Variants in PRDM10 observed in about 807,000 individuals in gnomAD.
PRDM10 encodes PR domain zinc finger protein 10.
Under a neutral mutation model 133.1 loss-of-function variants are expected in PRDM10, and 65 were observed. The observed-to-expected ratio is 0.49, with a 90% CI of 0.40 to 0.60. The LOEUF (loss-of-function observed/expected upper bound fraction) is 0.60, where lower values mean the gene tolerates loss of function less well. PRDM10 is among the 20% of genes least tolerant of loss of function. The pLI is 0.00. For missense variants in PRDM10, 1,137 were observed against 1,507.1 expected, an observed-to-expected ratio of 0.75 and a Z score of 4.07; for synonymous variants, 582 against 580.4, an observed-to-expected ratio of 1.00 and a Z score of -0.04.
chr11:129,994,433 T>A lies in PRDM10; in HGVS notation c.-119+8289A>T, dbSNP rs1938927713. On this transcript the variant is annotated intron_variant, in intron 1 of 20. Transcript: ENST00000360871. ...GTGAGCCGAGATCGCACCACTGCAC[T>A]CCAGCCTAGGTGACACAGCGCAACT... Among the ~76,000 whole-genome samples, 7 of 138,068 alleles carry A rather than the reference T, an allele frequency of 5.1e-5. No individual in the cohort carries two copies. The Admixed American group carries it at 5.4e-4, about 11-fold the overall frequency. The allele number at this position is 138,068 out of a possible 152,430, so 90.6% of individuals were successfully genotyped here.
intron 19 of PRDM10, among the ~76,000 whole-genome samples, chr11:129,908,742 T>C (rs1012301873): frequency 3.9e-5 from 6 of 152,160 alleles, no homozygotes; most frequent in African/African-American, 7.2e-5. Context: ...CATCCTATTA[T>C]TATCATGAAT....
chr11:129,992,666 A>G (rs1416926233), intron 1 of PRDM10, among the ~76,000 whole-genome samples: 3 of 152,348 alleles, frequency 2.0e-5, no homozygotes, highest in African/African-American at 7.2e-5. Flanking sequence ...AAATTACTCA[A>G]CAGCCAGAGT....
At chr11:129,955,745 G>T (rs916029401) in intron 3 of PRDM10, among the ~76,000 whole-genome samples, 174 bp from the exon 4 acceptor site, 1 of 152,202 alleles carries the variant, frequency 6.6e-6, no homozygotes. Flanking sequence ...TTTAGCTAAA[G>T]CTTTTCATTC....
intron 20 of PRDM10, among the ~76,000 whole-genome samples, chr11:129,905,127 G>T (rs954337832): frequency 6.6e-6 from 1 of 152,110 alleles, no homozygotes; most frequent in Admixed American, 6.6e-5. Flanking sequence ...ACTTTGGGAG[G>T]TTAAGGTGGG....
chr11:130,002,246 C>G (rs1243031889), intron 1 of PRDM10, among the ~76,000 whole-genome samples: 8 of 150,176 alleles, frequency 5.3e-5, no homozygotes, highest in Non-Finnish European at 8.9e-5. Context: ...GCAGGCCGCC[C>G]AACCGCCGTC....
At position 129,944,904 on chromosome 11, in the gene PRDM10, A is replaced by AG; in HGVS notation, c.628dup (p.Leu210ProfsTer49). The AG allele has an allele frequency of 6.2e-7, 1 of 1,614,096 alleles. No homozygotes were observed. Among genetic ancestry groups the AG allele is most frequent in the Non-Finnish European group, 8.5e-7 (1 of 1,180,026 alleles). The stretch of plus-strand genomic sequence containing the variant: ...CAGAAACCTGTCTATGTAGAGCACC[A>AG]GGGGGAGGCTCGCCCTGGCCCGGGT... On this transcript the variant is annotated frameshift_variant, in exon 6 of 21. Transcript: ENST00000360871. LOFTEE classifies it high-confidence loss of function.
chr11:129,942,713 T>C, intron 6 of PRDM10, 84 bp from the exon 7 acceptor site: 1 of 1,238,054 alleles, frequency 8.1e-7, no homozygotes, highest in South Asian at 1.4e-5. Flanking sequence ...ACGCAAAATA[T>C]TGCTTCTAAA....
At chr11:129,914,301 C>T (rs933864138) in intron 17 of PRDM10, among the ~76,000 whole-genome samples, 1 of 152,206 alleles carries the variant, frequency 6.6e-6, no homozygotes, top group Admixed American at 6.5e-5. Context: ...CTGCGCCCAG[C>T]CATCAATATT....
At chr11:129,953,335 C>A (rs906341394) in intron 4 of PRDM10, among the ~76,000 whole-genome samples, 5 of 152,066 alleles carry the variant, frequency 3.3e-5, no homozygotes, top group African/African-American at 4.8e-5. Context: ...TGCTGTGTTG[C>A]CAGGCTGGAG....
At chr11:129,908,649 C>T (rs941061564) in intron 19 of PRDM10, among the ~76,000 whole-genome samples, 2 of 152,148 alleles carry the variant, frequency 1.3e-5, no homozygotes, top group Admixed American at 1.3e-4. Flanking sequence ...CGTTACACTC[C>T]TCTCTCTACT....
In PRDM10 at chr11:129,947,089, C is replaced by A. The variant is rs1951439841; in HGVS notation, c.520+56G>T. The A allele has an allele frequency of 1.3e-6, 2 of 1,595,806 alleles. No individual in the cohort carries two copies. The highest frequency in any genetic ancestry group is 3.4e-5 in the Admixed American group (2 of 59,228). On this transcript the variant is annotated intron_variant, in intron 5 of 20. Coordinates refer to ENST00000360871, the MANE Select transcript of PRDM10 (RefSeq NM_199437.2). This position sits in a 1 kb window ranked among gnomAD's most constrained non-coding sequence, Gnocchi z 4.6. The stretch of plus-strand genomic sequence containing the variant: ...CTATGTTCACACACACGCACACGTA[C>A]ACAGACACACAAGATGGACACAGCT...
intron 1 of PRDM10, among the ~76,000 whole-genome samples, chr11:129,965,964 C>A (rs974289435): frequency 1.2e-4 from 19 of 152,252 alleles, no homozygotes; most frequent in African/African-American, 4.6e-4. Flanking sequence ...AAATTACCAG[C>A]CGGGCACAGT....
At chr11:129,912,032 G>A in intron 18 of PRDM10, 53 bp downstream of exon 18, 2 of 1,491,650 alleles carry the variant, frequency 1.3e-6, no homozygotes, top group Non-Finnish European at 9.0e-7. Context: ...CATTAACTCT[G>A]ATAATCCCTG....
At chr11:129,948,828 G>T (rs1951502081) in intron 4 of PRDM10, among the ~76,000 whole-genome samples, 1 of 152,122 alleles carries the variant, frequency 6.6e-6, no homozygotes, top group Non-Finnish European at 1.5e-5. Context: ...CAACATCAGG[G>T]TGCATTAGTG....
At chr11:129,905,269 G>A (rs1329265116) in intron 20 of PRDM10, among the ~76,000 whole-genome samples, 2 of 150,936 alleles carry the variant, frequency 1.3e-5, no homozygotes, top group African/African-American at 4.9e-5. Flanking sequence ...GGCTGAGGCA[G>A]GAGAATCACT....
chr11:129,902,443 T>C lies in PRDM10; in HGVS notation c.3341A>G (p.Gln1114Arg). The change falls in exon 21 of 21, where the codon CAG becomes CGG. Residue 1114 changes from glutamine (Q) to arginine (R), a missense_variant. By Grantham distance (43) the Gln-to-Arg change is conservative. This residue lies in a region of PRDM10 where 243 missense variants were observed against 259.2 expected (regional missense o/e 0.94). Transcript: ENST00000360871. ...GTCACTGTGTGCAGGTGGCTCGACCTGGACTCCACCAGAGAGGGCAGAAGT... is the reference window on the plus strand; with the variant it reads ...GTCACTGTGTGCAGGTGGCTCGACCCGGACTCCACCAGAGAGGGCAGAAGT... ...KQTSALSGGV[Q>R]VEPPAHSDSL... 6.2e-7 allele frequency: 1 copy of C among 1,614,186 alleles called. No homozygotes were observed. Among genetic ancestry groups the C allele is most frequent in the Non-Finnish European group, 8.5e-7 (1 of 1,180,028 alleles).
chr11:129,914,576 TA>T, intron 17 of PRDM10, 127 bp downstream of exon 17: 1 of 1,301,810 alleles, frequency 7.7e-7, no homozygotes, highest in Non-Finnish European at 1.1e-6. Flanking sequence ...GGGGCAGTTG[TA>T]AAATGCCCAA....
At chr11:129,943,990 C>CA (rs1951305088) in intron 6 of PRDM10, among the ~76,000 whole-genome samples, 2 of 151,798 alleles carry the variant, frequency 1.3e-5, no homozygotes, top group East Asian at 3.9e-4. Context: ...GGCTCCATCT[C>CA]AAAAAATAAA....
chr11:129,982,985 T>C (rs1938198261), intron 1 of PRDM10, among the ~76,000 whole-genome samples: 1 of 152,096 alleles, frequency 6.6e-6, no homozygotes, highest in Non-Finnish European at 1.5e-5. Context: ...AAAAAATTTT[T>C]TTTTTCTTTG....
Sources: gnomAD v4.1 joint callset for allele counts (sites outside exome capture counted in the v4.1 genomes callset) on GRCh38, gnomAD v4.1.1 for gene constraint, gnomAD v4.1.1 regional missense constraint, Gnocchi (gnomAD v3.1) non-coding constraint, MANE v1.5 for transcripts, NCBI Gene and HGNC (gene_info 2026-07-23, HGNC 2026-07-21) for gene names.